STAU2: variants seen among roughly 807,000 people sequenced by gnomAD.
STAU2 encodes the protein double-stranded RNA-binding protein Staufen homolog 2.
Under a neutral mutation model 65.9 loss-of-function variants are expected in STAU2, and 20 were observed. The observed-to-expected ratio is 0.30, with a 90% CI of 0.21 to 0.44. The LOEUF is 0.44. Ranked by LOEUF, STAU2 falls within the 20% of genes least tolerant of loss-of-function variation. The pLI, the probability that STAU2 is intolerant of heterozygous loss-of-function variation, is 1.00. For missense variants in STAU2, 558 were observed against 683.9 expected (o/e 0.82, Z 2.05); for synonymous variants, 232 against 233.9 (o/e 0.99, Z 0.07).
intron 4 of STAU2, among the ~76,000 whole-genome samples, chr8:73,699,573 AACAG>A (rs1361949038): frequency 6.6e-6 from 1 of 152,074 alleles, no homozygotes; most frequent in Non-Finnish European, 1.5e-5. Context: ...ATCTTGAAGA[AACAG>A]ACAAATTCCT....
At chr8:73,654,223 T>C (rs1288007620) in intron 6 of STAU2, among the ~76,000 whole-genome samples, 1 of 152,138 alleles carries the variant, frequency 6.6e-6, no homozygotes, top group African/African-American at 2.4e-5. Flanking sequence ...TACATAGTAG[T>C]AAGGTGATAA....
chr8:73,450,295 G>A (rs189758487), intron 13 of STAU2, among the ~76,000 whole-genome samples: 1 of 152,256 alleles, frequency 6.6e-6, no homozygotes, highest in Admixed American at 6.5e-5. Flanking sequence ...ATAGTTGTAT[G>A]TCGACATAAC....
At chr8:73,444,741 CT>C (rs1818374727) in intron 13 of STAU2, among the ~76,000 whole-genome samples, 2 of 152,206 alleles carry the variant, frequency 1.3e-5, no homozygotes, top group South Asian at 2.1e-4. Context: ...GGCTGTCTGG[CT>C]CACAAAGCCC....
chr8:73,651,667 T>G, intron 6 of STAU2: 1 of 507,704 alleles, frequency 2.0e-6, no homozygotes, highest in Non-Finnish European at 3.6e-6. Context: ...GTGGGCCTGC[T>G]GCTGTGGGCA....
intron 6 of STAU2, among the ~76,000 whole-genome samples, chr8:73,672,736 A>C (rs1451725269): frequency 1.3e-5 from 2 of 152,126 alleles, no homozygotes; most frequent in East Asian, 3.8e-4. Flanking sequence ...ATGTATTTAG[A>C]CAAATCAAGA....
chr8:73,531,822 T>C lies in STAU2; in HGVS notation c.1530+20190A>G, dbSNP rs1049564653. Among the ~76,000 whole-genome samples, 9 of 152,326 alleles carry C rather than the reference T, an allele frequency of 5.9e-5. No homozygotes were observed. In the South Asian group the frequency reaches 6.2e-4, roughly 11 times the overall value. On this transcript the variant is annotated intron_variant, in intron 13 of 14. Coordinates refer to ENST00000524300, the MANE Select transcript of STAU2 (RefSeq NM_001164380.2). ...TCTTCAGAACTGACTGGGTAAACTC[T>C]TTCTGCTAGAACAAAGCAGTGCGTT...
intron 13 of STAU2, among the ~76,000 whole-genome samples, chr8:73,545,254 A>G (rs1936295434): frequency 6.6e-6 from 1 of 152,106 alleles, no homozygotes; most frequent in Non-Finnish European, 1.5e-5. Context: ...CCATTTTAGG[A>G]CTTGATTCTA....
chr8:73,466,901 G>C (rs1184371342), intron 13 of STAU2, among the ~76,000 whole-genome samples: 6 of 152,196 alleles, frequency 3.9e-5, no homozygotes, highest in Non-Finnish European at 8.8e-5. Flanking sequence ...TCTTGGCATG[G>C]CTCTGGTCTA....
At position 73,615,665 on chromosome 8, in the gene STAU2, G is replaced by A. The variant is rs747773218; in HGVS notation, c.678+10C>T. On this transcript the variant is annotated intron_variant, in intron 8 of 14. Transcript: ENST00000524300. ...GGGAAAAAATGGGAAGATCTCTACC[G>A]AGTACATACCTCAAAACTGACAGGC... is the stretch of plus-strand genomic sequence containing the variant. The A allele has an allele frequency of 1.7e-5, 28 of 1,602,792 alleles. No individual in the cohort carries two copies. Among genetic ancestry groups the A allele is most frequent in the South Asian group, 3.3e-5 (3 of 90,736 alleles).
At chr8:73,511,972 G>C (rs1163102024) in intron 13 of STAU2, among the ~76,000 whole-genome samples, 1 of 152,072 alleles carries the variant, frequency 6.6e-6, no homozygotes, top group Non-Finnish European at 1.5e-5. Context: ...TTTTTCATAT[G>C]AATGTTTTAT....
chr8:73,595,023 A>AT, intron 11 of STAU2, 143 bp downstream of exon 11: 1 of 569,648 alleles, frequency 1.8e-6, no homozygotes, highest in Non-Finnish European at 2.9e-6. Flanking sequence ...TCCATATGTT[A>AT]TTTTGTGCTT....
intron 13 of STAU2, among the ~76,000 whole-genome samples, chr8:73,498,294 C>T (rs1821542440): frequency 6.6e-6 from 1 of 151,808 alleles, no homozygotes; most frequent in Non-Finnish European, 1.5e-5. Context: ...CATAATATGG[C>T]CCATGCCCAG....
intron 12 of STAU2, among the ~76,000 whole-genome samples, chr8:73,564,201 G>A (rs1464031628): frequency 6.6e-6 from 1 of 152,142 alleles, no homozygotes; most frequent in African/African-American, 2.4e-5. Flanking sequence ...TGCTTCACTT[G>A]GAGTGCCGAC....
intron 12 of STAU2, among the ~76,000 whole-genome samples, chr8:73,554,515 G>A (rs1209330934): frequency 1.3e-5 from 2 of 152,212 alleles, no homozygotes; most frequent in Admixed American, 6.5e-5. Flanking sequence ...TGGGGGTGGA[G>A]GGTGGTTGTC....
In STAU2 at chr8:73,481,879, C is replaced by T. The variant is rs57659921; in HGVS notation, c.1531-59177G>A. 3.1e-3 allele frequency among the ~76,000 whole-genome samples: 479 copies of T among 152,170 alleles called. 2 individuals are homozygous for T. Among genetic ancestry groups the T allele is most frequent in the African/African-American group, 0.011 (442 of 41,528 alleles). ...CTCTTAAAACAACTCTATAGGGCAGCGCTTTTGTTTTCCTTTAGGTCTAGT... is the reference window on the plus strand; with the variant it reads ...CTCTTAAAACAACTCTATAGGGCAGTGCTTTTGTTTTCCTTTAGGTCTAGT... On this transcript the variant is annotated intron_variant, in intron 13 of 14. Coordinates refer to ENST00000524300, the MANE Select transcript of STAU2 (RefSeq NM_001164380.2).
At chr8:73,672,455 A>G (rs765762670) in intron 6 of STAU2, 1 of 152,208 alleles carries the variant, frequency 6.6e-6, no homozygotes, top group South Asian at 2.1e-4. Flanking sequence ...AAAGTCATCA[A>G]ATAAAGTATA....
intron 6 of STAU2, among the ~76,000 whole-genome samples, chr8:73,629,479 A>G (rs999423803): frequency 6.6e-6 from 1 of 152,234 alleles, no homozygotes; most frequent in Non-Finnish European, 1.5e-5. Flanking sequence ...ATAGTCTCAC[A>G]ATCATTAGAA....
At chr8:73,515,303 A>G (rs1038449884) in intron 13 of STAU2, among the ~76,000 whole-genome samples, 2 of 152,240 alleles carry the variant, frequency 1.3e-5, no homozygotes, top group Non-Finnish European at 2.9e-5. Flanking sequence ...ATGTGGAATG[A>G]AAGTATTTAA....
At chr8:73,669,410 A>G (rs986137998) in intron 6 of STAU2, among the ~76,000 whole-genome samples, 2 of 152,204 alleles carry the variant, frequency 1.3e-5, no homozygotes, top group Non-Finnish European at 2.9e-5. Context: ...AACCATAAGA[A>G]TTAGATCTTG....
Sources: allele counts gnomAD v4.1 joint callset (sites outside exome capture counted in the v4.1 genomes callset), GRCh38; gene constraint gnomAD v4.1.1; transcripts MANE v1.5; gene names NCBI Gene and HGNC (gene_info 2026-07-23, HGNC 2026-07-21).